The following TTLL2 variants were observed in gnomAD, a reference collection of about 807,000 sequenced individuals.
TTLL2 encodes tubulin tyrosine ligase like 2.
TTLL2 carries 10 observed loss-of-function variants against 7.5 expected under a neutral mutation model. That is an observed-to-expected ratio of 1.33 (90% CI 0.82 to 2.25). TTLL2 has a LOEUF of 2.25. Ranked by LOEUF, TTLL2 falls within the 30% of genes most tolerant of loss-of-function variation. TTLL2 has a pLI of 0.00. For synonymous variants in TTLL2, 284 were observed against 280.3 expected (o/e 1.01, Z -0.13); for missense variants, 733 against 735.7 (o/e 1.00, Z 0.04).
chr6:167,326,973 T>A (rs182650355), intron 1 of TTLL2, among the ~76,000 whole-genome samples: 1 of 152,196 alleles, frequency 6.6e-6, no homozygotes, highest in East Asian at 1.9e-4. Flanking sequence ...GGCTTATGCT[T>A]TTTCCCCCAT....
In TTLL2 at chr6:167,340,477, G is replaced by A; in HGVS notation, c.577G>A (p.Ala193Thr). 1 of 1,614,098 alleles carries A rather than the reference G, an allele frequency of 6.2e-7. No individual in the cohort carries two copies. ...GCCCAATGACTATACCAAGTTCGTG[G>A]CTGAATACTTTCAGGAGAGGCAGAT... ...VMPNDYTKFV[A>T]EYFQERQMLG... Residue 193 changes from alanine (A) to threonine (T), a missense_variant, in exon 3 of 3, where the codon GCT (alanine) becomes ACT (threonine). Physicochemically the swap from Ala to Thr is moderately conservative, Grantham distance 58. Coordinates refer to ENST00000239587, the MANE Select transcript of TTLL2 (RefSeq NM_031949.5).
Position 167,340,409 on chromosome 6 carries a change from A to G in TTLL2, c.509A>G (p.Tyr170Cys), listed in dbSNP as rs1335375214. ...AKHLKHMRRM[Y>C]GTSLYQFIPL... is the part of the protein sequence containing the mutation. ...CACCTGAAGCACATGAGGAGGATGT[A>G]TGGCACTTCCCTGTACCAGTTCATC... Residue 170 changes from tyrosine (Y) to cysteine (C), a missense_variant, in exon 3 of 3, where the codon TAT (tyrosine) becomes TGT (cysteine). Tyr to Cys is a radical substitution (Grantham distance 194). Transcript: ENST00000239587. 1 of 1,614,184 alleles carries G rather than the reference A, an allele frequency of 6.2e-7. No individual in the cohort carries two copies.
In TTLL2 at chr6:167,341,899, T is replaced by G; in HGVS notation, c.*220T>G. ...TACATTACATCCCATGTTTATTTGC[T>G]CAGGTGTCTTGAAAGAATTCTACAA... On this transcript the variant is annotated 3_prime_UTR_variant, in exon 3 of 3. Coordinates refer to ENST00000239587, the MANE Select transcript of TTLL2 (RefSeq NM_031949.5). 5.6e-6 allele frequency: 3 copies of G among 538,514 alleles called. 1 individual carries two copies. The South Asian group carries it at 8.6e-5, about 15-fold the overall frequency. The allele number at this position is 538,514 out of a possible 1,614,324, so 33.4% of individuals were successfully genotyped here.
chr6:167,338,390 C>T (rs1212039670), intron 1 of TTLL2, among the ~76,000 whole-genome samples: 1 of 151,932 alleles, frequency 6.6e-6, no homozygotes, highest in Non-Finnish European at 1.5e-5. Flanking sequence ...ACATGTGACA[C>T]ACAATACACA....
chr6:167,337,154 A>G (rs879576683), intron 1 of TTLL2, among the ~76,000 whole-genome samples: 1 of 152,254 alleles, frequency 6.6e-6, no homozygotes, highest in Non-Finnish European at 1.5e-5. Context: ...CAAGTCTGAG[A>G]AAGGCAGGAT....
rs1461112230 is a variant in TTLL2 at position 167,325,094 on chromosome 6, C to G, written c.-80C>G. On this transcript the variant is annotated 5_prime_UTR_variant, in exon 1 of 3. Transcript: ENST00000239587. ...CTGCATCATCAGCAACCAGTGCTCCCTCCAGCCTCCGCGCATTTCAGCTGG... is the reference window on the plus strand; with the variant it reads ...CTGCATCATCAGCAACCAGTGCTCCGTCCAGCCTCCGCGCATTTCAGCTGG... The G allele has an allele frequency of 2.7e-6, 4 of 1,478,472 alleles. No individual in the cohort carries two copies. The highest frequency in any genetic ancestry group is 3.7e-6 in the Non-Finnish European group (4 of 1,089,552). The allele number at this position is 1,478,472 out of a possible 1,614,324, so 91.6% of individuals were successfully genotyped here.
At position 167,341,039 on chromosome 6, in the gene TTLL2, T is replaced by G; in HGVS notation, c.1139T>G (p.Leu380Trp). The change falls in exon 3 of 3, where the codon TTG becomes TGG. Residue 380 changes from leucine to tryptophan, a missense_variant. Physicochemically the swap from Leu to Trp is moderately conservative, Grantham distance 61 (BLOSUM62 -2). Coordinates refer to ENST00000239587, the MANE Select transcript of TTLL2 (RefSeq NM_031949.5). ...FGFDILIDDN[L>W]KPWLLEVNYS... is the part of the protein sequence containing the mutation. Reference sequence around the variant, plus strand: ...TTTGATATTTTGATTGATGACAACTTGAAACCATGGCTTTTAGAGGTCAAC... The same window carrying G: ...TTTGATATTTTGATTGATGACAACTGGAAACCATGGCTTTTAGAGGTCAAC... The G allele has an allele frequency of 6.2e-7, 1 of 1,614,062 alleles. No homozygotes were observed. The highest frequency in any genetic ancestry group is 1.1e-5 in the South Asian group (1 of 91,068).
Position 167,338,650 on chromosome 6 carries a change from T to C in TTLL2, c.51T>C (p.Ser17=), listed in dbSNP as rs375787982. The change falls in exon 2 of 3, where the codon TCT becomes TCC. Residue 17 remains serine, a synonymous_variant. Transcript: ENST00000239587. ...GTTGATGCTGCTTTGTTCACAGATCTTTGAGAACCACCACCCCAGCCTTTA... is the reference window on the plus strand; with the variant it reads ...GTTGATGCTGCTTTGTTCACAGATCCTTGAGAACCACCACCCCAGCCTTTA... The part of the protein sequence containing the change: ...CSSTQSQALG[S]LRTTTPAFTL... 161 of 1,612,376 alleles carry C rather than the reference T, an allele frequency of 1.0e-4. No individual in the cohort carries two copies. The highest frequency in any genetic ancestry group is 1.3e-4 in the Non-Finnish European group (155 of 1,179,080).
At chr6:167,332,443 T>G (rs1483507393) in intron 1 of TTLL2, among the ~76,000 whole-genome samples, 1 of 151,710 alleles carries the variant, frequency 6.6e-6, no homozygotes, top group Non-Finnish European at 1.5e-5. Context: ...CAATTTAATA[T>G]GAACTTTAAA....
chr6:167,334,242 G>T (rs2115216548), intron 1 of TTLL2, among the ~76,000 whole-genome samples: 1 of 148,672 alleles, frequency 6.7e-6, no homozygotes, highest in South Asian at 2.2e-4. Flanking sequence ...TTTCCATGTA[G>T]TTGAGCGGCT....
In TTLL2 at chr6:167,340,797, C is replaced by T. The variant is rs1241868846; in HGVS notation, c.897C>T (p.Asn299=). 2 of 1,614,042 alleles carry T rather than the reference C, an allele frequency of 1.2e-6. No individual in the cohort carries two copies. Among genetic ancestry groups the T allele is most frequent in the African/African-American group, 1.3e-5 (1 of 74,892 alleles). ...NLQNNYAHLT[N]SSINKSGASY... is the part of the protein sequence containing the mutation. Reference sequence around the variant, plus strand: ...AAAACAATTATGCCCATTTGACCAACAGCAGCATCAATAAATCCGGGGCCT... The same window carrying T: ...AAAACAATTATGCCCATTTGACCAATAGCAGCATCAATAAATCCGGGGCCT... Residue 299 remains asparagine (N), a synonymous_variant, in exon 3 of 3, where the codon AAC becomes AAT. Coordinates refer to ENST00000239587, the MANE Select transcript of TTLL2 (RefSeq NM_031949.5).
intron 1 of TTLL2, among the ~76,000 whole-genome samples, chr6:167,327,034 G>A (rs1583106360): frequency 1.3e-5 from 2 of 152,074 alleles, no homozygotes; most frequent in South Asian, 4.1e-4. Context: ...GGTATTGGGG[G>A]AAAGAGGAAG....
Position 167,340,232 on chromosome 6 carries a change from T to C in TTLL2, c.332T>C (p.Phe111Ser), listed in dbSNP as rs1355483390. ...SVLLERGWNK[F>S]DKQEQNAEDW... is the part of the protein sequence containing the mutation. Reference sequence around the variant, plus strand: ...CTCCTGGAGAGGGGGTGGAATAAGTTTGATAAGCAGGAGCAGAACGCGGAG... The same window carrying C: ...CTCCTGGAGAGGGGGTGGAATAAGTCTGATAAGCAGGAGCAGAACGCGGAG... Residue 111 changes from phenylalanine to serine, a missense_variant, in exon 3 of 3, where the codon TTT becomes TCT. By Grantham distance (155) the Phe-to-Ser change is radical. Transcript: ENST00000239587. The C allele has an allele frequency of 1.2e-6, 2 of 1,613,934 alleles. No individual in the cohort carries two copies. Among genetic ancestry groups the C allele is most frequent in the Admixed American group, 1.7e-5 (1 of 59,994 alleles).
At chr6:167,331,624 A>G (rs1208952652) in intron 1 of TTLL2, among the ~76,000 whole-genome samples, 2 of 152,212 alleles carry the variant, frequency 1.3e-5, no homozygotes, top group Non-Finnish European at 2.9e-5. Context: ...TGTTAAAGTG[A>G]AGTAAATATG....
At chr6:167,325,951 G>A (rs150799124) in intron 1 of TTLL2, among the ~76,000 whole-genome samples, 2 of 152,204 alleles carry the variant, frequency 1.3e-5, no homozygotes, top group East Asian at 1.9e-4. Context: ...GCCGAACAGC[G>A]GCCGAGAACG....
intron 1 of TTLL2, 54 bp downstream of exon 1, chr6:167,325,274 G>T (rs912709014): frequency 1.4e-6 from 2 of 1,472,958 alleles, no homozygotes; most frequent in African/African-American, 1.4e-5. Context: ...TCATGCCTCT[G>T]TTCCAGGACC....
chr6:167,335,129 A>G (rs2115217737), intron 1 of TTLL2, among the ~76,000 whole-genome samples: 1 of 104,132 alleles, frequency 9.6e-6, no homozygotes, highest in African/African-American at 4.7e-5. Flanking sequence ...TACAAGAAAA[A>G]AACAAACAAC....
chr6:167,338,161 AAC>A (rs1283314459), intron 1 of TTLL2, among the ~76,000 whole-genome samples: 5 of 150,410 alleles, frequency 3.3e-5, no homozygotes, highest in South Asian at 4.2e-4. Context: ...ACACAACATA[AAC>A]ACACAGCACA....
chr6:167,326,106 C>T (rs1358331213), intron 1 of TTLL2, among the ~76,000 whole-genome samples: 1 of 151,968 alleles, frequency 6.6e-6, no homozygotes, highest in African/African-American at 2.4e-5. Context: ...ATGGCGTTTG[C>T]GTTTCAAGCA....
Sources: gnomAD v4.1 joint callset for allele counts (sites outside exome capture counted in the v4.1 genomes callset) on GRCh38, gnomAD v4.1.1 for gene constraint, MANE v1.5 for transcripts, NCBI Gene and HGNC (gene_info 2026-07-23, HGNC 2026-07-21) for gene names.